The following RAD51 variants were observed in gnomAD, a reference collection of about 807,000 sequenced individuals.
RAD51 encodes the protein DNA repair protein RAD51 homolog 1.
RAD51 carries 14 observed loss-of-function variants against 41.5 expected under a neutral mutation model. The observed-to-expected ratio is 0.34, with a 90% CI of 0.22 to 0.53. The LOEUF is 0.53. Among genes scored for constraint, RAD51 ranks in the 20% least tolerant of loss-of-function variants. RAD51 has a pLI of 0.95. For missense variants in RAD51, 234 were observed against 422.0 expected (o/e 0.55, Z 3.90); for synonymous variants, 136 against 148.6 (o/e 0.92, Z 0.62).
intron 1 of RAD51, among the ~76,000 whole-genome samples, chr15:40,698,405 C>G (rs1255183972): frequency 6.6e-6 from 1 of 152,076 alleles, no homozygotes. Context: ...CCGGGATGGT[C>G]TTGATCTCCT....
rs545069486 is a variant in RAD51, at chr15:40,727,116, A to G, written c.531-1595A>G. Among the ~76,000 whole-genome samples, 30 of 150,930 alleles carry G rather than the reference A, an allele frequency of 2.0e-4. 1 individual carries two copies. The highest frequency in any genetic ancestry group is 7.1e-4 in the African/African-American group (29 of 40,628). ...ATAGATAATCTCCCTTTCTTTTTTA[A>G]TTTTTAATTTTTTTTTAATTTTATA... On this transcript the variant is annotated intron_variant, in intron 6 of 9. Transcript: ENST00000267868.
At chr15:40,727,229 T>C (rs1896632945) in intron 6 of RAD51, among the ~76,000 whole-genome samples, 2 of 152,150 alleles carry the variant, frequency 1.3e-5, no homozygotes, top group African/African-American at 4.8e-5. Flanking sequence ...CCCAGAGTGC[T>C]GGGATTACAA....
intron 3 of RAD51, among the ~76,000 whole-genome samples, chr15:40,704,827 G>A (rs1427890478): frequency 1.3e-5 from 2 of 150,754 alleles, no homozygotes; most frequent in South Asian, 2.1e-4. Flanking sequence ...GTGCCACCAC[G>A]CCCGGCTAAT....
intron 7 of RAD51, among the ~76,000 whole-genome samples, chr15:40,729,090 A>T (rs1596025783): frequency 6.6e-6 from 1 of 152,128 alleles, no homozygotes; most frequent in African/African-American, 2.4e-5. Context: ...ATCTATATAC[A>T]GGCCGGGCGC....
intron 1 of RAD51, among the ~76,000 whole-genome samples, chr15:40,698,369 A>G (rs1894783757): frequency 6.6e-6 from 1 of 151,848 alleles, no homozygotes; most frequent in Admixed American, 6.6e-5. Flanking sequence ...TTGTATTTTT[A>G]GTAGGGACGG....
At chr15:40,708,354 A>G (rs1895490354) in intron 4 of RAD51, among the ~76,000 whole-genome samples, 1 of 148,644 alleles carries the variant, frequency 6.7e-6, no homozygotes, top group East Asian at 2.0e-4. Context: ...TCAGCCTGCT[A>G]GTAGCTGGGA....
At chr15:40,722,445 GTA>G (rs1896329024) in intron 6 of RAD51, among the ~76,000 whole-genome samples, 1 of 151,076 alleles carries the variant, frequency 6.6e-6, no homozygotes, top group Non-Finnish European at 1.5e-5. Context: ...GACAAAAACT[GTA>G]TGATTCCACT....
At chr15:40,723,369 T>C (rs1192587785) in intron 6 of RAD51, among the ~76,000 whole-genome samples, 2 of 152,184 alleles carry the variant, frequency 1.3e-5, no homozygotes, top group Non-Finnish European at 2.9e-5. Context: ...AATAAAAACA[T>C]GTCTATACAA....
chr15:40,708,900 G>A (rs538405623), intron 4 of RAD51, 125 bp from the exon 5 acceptor site: 22 of 887,538 alleles, frequency 2.5e-5, no homozygotes, highest in Non-Finnish European at 3.6e-5. Flanking sequence ...AAAAATTATC[G>A]CTTGTTGGAA....
intron 5 of RAD51, among the ~76,000 whole-genome samples, chr15:40,710,649 A>T (rs1289809791): frequency 6.6e-6 from 1 of 152,160 alleles, no homozygotes; most frequent in Non-Finnish European, 1.5e-5. Flanking sequence ...CTCATATCTC[A>T]TACTTCGTCT....
intron 6 of RAD51, among the ~76,000 whole-genome samples, chr15:40,719,528 GT>G (rs1896163606): frequency 1.3e-5 from 2 of 151,850 alleles, no homozygotes. Flanking sequence ...ATCAGACAAA[GT>G]ACACTTTAAG....
chr15:40,705,502 A>C (rs1895273567), intron 3 of RAD51, among the ~76,000 whole-genome samples: 1 of 152,232 alleles, frequency 6.6e-6, no homozygotes, highest in African/African-American at 2.4e-5. Context: ...TAAGGGATAC[A>C]GTCTGCGGTT....
At chr15:40,696,654 G>T (rs1249035156) in intron 1 of RAD51, among the ~76,000 whole-genome samples, 1 of 152,272 alleles carries the variant, frequency 6.6e-6, no homozygotes, top group East Asian at 1.9e-4. Flanking sequence ...TTTTACAGTG[G>T]TAACTGCTAT....
intron 5 of RAD51, among the ~76,000 whole-genome samples, chr15:40,710,548 A>G (rs1895654791): frequency 6.6e-6 from 1 of 151,622 alleles, no homozygotes; most frequent in Non-Finnish European, 1.5e-5. Flanking sequence ...AAAAAAATTC[A>G]AGATGACAAA....
intron 9 of RAD51, 48 bp downstream of exon 9, chr15:40,730,022 C>T: frequency 6.2e-7 from 1 of 1,602,328 alleles, no homozygotes; most frequent in Middle Eastern, 1.7e-4. Flanking sequence ...GTCATATTAA[C>T]TGTGAAGACA....
At chr15:40,712,866 T>C (rs1403908823) in intron 5 of RAD51, among the ~76,000 whole-genome samples, 1 of 117,620 alleles carries the variant, frequency 8.5e-6, no homozygotes, top group Non-Finnish European at 1.7e-5. Flanking sequence ...AGTTTTTTTT[T>C]CTTTTCTTTT....
intron 2 of RAD51, among the ~76,000 whole-genome samples, chr15:40,700,007 A>G (rs1395070409): frequency 6.6e-6 from 1 of 152,182 alleles, no homozygotes; most frequent in Admixed American, 6.5e-5. Context: ...AAGTTACTTA[A>G]ATGGATTTGT....
At chr15:40,713,995 T>TC (rs1491476452) in intron 5 of RAD51, among the ~76,000 whole-genome samples, 4 of 20,382 alleles carry the variant, frequency 2.0e-4, no homozygotes, top group Non-Finnish European at 2.9e-4. Context: ...AAATAAATTC[T>TC]TTTTTTTTTT....
chr15:40,697,456 G>A (rs956282818), intron 1 of RAD51, among the ~76,000 whole-genome samples: 1 of 152,040 alleles, frequency 6.6e-6, no homozygotes, highest in African/African-American at 2.4e-5. Context: ...TTTTTGGCTA[G>A]TGCGTTATGC....
Sources: gnomAD v4.1 joint callset for allele counts (sites outside exome capture counted in the v4.1 genomes callset) on GRCh38, gnomAD v4.1.1 for gene constraint, MANE v1.5 for transcripts, NCBI Gene and HGNC (gene_info 2026-07-23, HGNC 2026-07-21) for gene names.